SGK3: variants seen among roughly 807,000 people sequenced by gnomAD.
The protein encoded by SGK3 is serine/threonine-protein kinase Sgk3.
SGK3 carries 47 observed loss-of-function variants against 68.5 expected under a neutral mutation model. The ratio of observed to expected loss-of-function variants is 0.69; its 90% confidence interval spans 0.54 to 0.87. The LOEUF (loss-of-function observed/expected upper bound fraction) is 0.87, where lower values mean the gene tolerates loss of function less well. SGK3 is among the 40% of genes least tolerant of loss of function. The pLI, the probability that SGK3 is intolerant of heterozygous loss-of-function variation, is 0.00. For synonymous variants in SGK3, 181 were observed against 189.1 expected (o/e 0.96, Z 0.35); for missense variants, 479 against 575.5 (o/e 0.83, Z 1.72).
At chr8:66,831,413 C>CAT in intron 8 of SGK3, 102 bp downstream of exon 8, 1 of 1,395,060 alleles carries the variant, frequency 7.2e-7, no homozygotes, top group Non-Finnish European at 1.0e-6. Flanking sequence ...GTGGTGCAGT[C>CAT]ATAGCACACT....
intron 16 of SGK3, among the ~76,000 whole-genome samples, chr8:66,855,296 G>A (rs1320328760): frequency 1.3e-5 from 2 of 152,116 alleles, no homozygotes; most frequent in Non-Finnish European, 1.5e-5. Context: ...TCCGCCTCCC[G>A]GGTTCAAGCT....
At chr8:66,808,409 C>T (rs986310648) in intron 4 of SGK3, among the ~76,000 whole-genome samples, 4 of 151,778 alleles carry the variant, frequency 2.6e-5, no homozygotes, top group African/African-American at 9.7e-5. Flanking sequence ...TGTTATATGG[C>T]GTTGTTATTC....
Position 66,822,426 on chromosome 8 carries a change from A to G in SGK3, c.384A>G (p.Pro128=), listed in dbSNP as rs781646437. The change falls in exon 6 of 17, where the codon CCA becomes CCG. Residue 128 remains proline (P), a synonymous_variant. Transcript: ENST00000521198. Reference sequence around the variant, plus strand: ...ACAGTCCAAAACACCAGTCAGATCCATCTGAAGATGAGGATGAAAGAAGTT... The same window carrying G: ...ACAGTCCAAAACACCAGTCAGATCCGTCTGAAGATGAGGATGAAAGAAGTT... ...QMDSPKHQSD[P]SEDEDERSSQ... 8.1e-6 allele frequency: 13 copies of G among 1,611,310 alleles called. No homozygotes were observed. The highest frequency in any genetic ancestry group is 9.3e-6 in the Non-Finnish European group (11 of 1,178,690).
intron 3 of SGK3, among the ~76,000 whole-genome samples, chr8:66,800,929 G>A (rs760179747): frequency 5.3e-5 from 8 of 152,144 alleles, no homozygotes; most frequent in Non-Finnish European, 1.0e-4. Flanking sequence ...AGGCTGCAAT[G>A]AGCCATGACC....
chr8:66,822,447 A>T lies in SGK3; in HGVS notation c.405A>T (p.Arg135Ser). ...QSDPSEDEDE[R>S]SSQKLHSTSQ... is the part of the protein sequence containing the mutation. ...ATCCATCTGAAGATGAGGATGAAAGAAGTTCTCAGAAGGTAGTAAGAGGAA... is the reference window on the plus strand; with the variant it reads ...ATCCATCTGAAGATGAGGATGAAAGTAGTTCTCAGAAGGTAGTAAGAGGAA... The change falls in exon 6 of 17, where the codon AGA becomes AGT. Residue 135 changes from arginine (R) to serine (S), a missense_variant. Transcript: ENST00000521198. 6.2e-7 allele frequency: 1 copy of T among 1,611,336 alleles called. No individual in the cohort carries two copies. The highest frequency in any genetic ancestry group is 8.5e-7 in the Non-Finnish European group (1 of 1,178,750).
At chr8:66,855,156 A>C (rs929406455) in intron 16 of SGK3, among the ~76,000 whole-genome samples, 1 of 152,212 alleles carries the variant, frequency 6.6e-6, no homozygotes, top group Non-Finnish European at 1.5e-5. Context: ...AAGCCATAAG[A>C]GAAAAAAGTT....
intron 4 of SGK3, among the ~76,000 whole-genome samples, chr8:66,807,725 G>A (rs1363507872): frequency 6.6e-6 from 1 of 152,154 alleles, no homozygotes; most frequent in Non-Finnish European, 1.5e-5. Context: ...GAGTTTGGTA[G>A]TGTTTAGAAA....
chr8:66,740,847 C>T (rs181514746), intron 1 of SGK3, among the ~76,000 whole-genome samples: 120 of 134,210 alleles, frequency 8.9e-4, no homozygotes, highest in Middle Eastern at 4.5e-3. Context: ...ATGGAGGATG[C>T]GGTGAGCCGA....
At chr8:66,759,689 G>A (rs1463938909) in intron 1 of SGK3, among the ~76,000 whole-genome samples, 1 of 151,862 alleles carries the variant, frequency 6.6e-6, no homozygotes, top group Non-Finnish European at 1.5e-5. Flanking sequence ...TTGAGATGGA[G>A]TCTCGCTGTG....
chr8:66,725,096 G>A (rs1804942543), intron 1 of SGK3, among the ~76,000 whole-genome samples: 1 of 152,078 alleles, frequency 6.6e-6, no homozygotes, highest in African/African-American at 2.4e-5. Context: ...GTGGTGGCGG[G>A]CATCTGTATG....
intron 1 of SGK3, among the ~76,000 whole-genome samples, chr8:66,744,176 AG>A (rs1198844361): frequency 6.6e-6 from 1 of 152,002 alleles, no homozygotes; most frequent in East Asian, 1.9e-4. Context: ...ATTGACCGAT[AG>A]TTTGGCTGGT....
chr8:66,747,358 A>G (rs920054942), intron 1 of SGK3, among the ~76,000 whole-genome samples: 1 of 152,164 alleles, frequency 6.6e-6, no homozygotes, highest in Non-Finnish European at 1.5e-5. Flanking sequence ...ATTTCTTACC[A>G]AGTAATTACT....
At chr8:66,714,016 T>C (rs1218222000) in intron 1 of SGK3, among the ~76,000 whole-genome samples, 1 of 152,196 alleles carries the variant, frequency 6.6e-6, no homozygotes, top group Non-Finnish European at 1.5e-5. Flanking sequence ...CATGGTCTCT[T>C]TCAACTGCCG....
chr8:66,839,006 T>C (rs1246928986), intron 10 of SGK3, among the ~76,000 whole-genome samples: 1 of 152,182 alleles, frequency 6.6e-6, no homozygotes, highest in Non-Finnish European at 1.5e-5. Flanking sequence ...TGTTGGCTAA[T>C]GTCCACATAG....
chr8:66,822,960 C>G (rs1320357297), intron 6 of SGK3, among the ~76,000 whole-genome samples: 7 of 152,008 alleles, frequency 4.6e-5, no homozygotes, highest in Non-Finnish European at 4.4e-5. Context: ...AGAATGAGTA[C>G]TTTTTTACTA....
At chr8:66,779,601 TAA>T (rs747085904) in intron 1 of SGK3, among the ~76,000 whole-genome samples, 20 of 104,114 alleles carry the variant, frequency 1.9e-4, no homozygotes, top group East Asian at 7.7e-4. Context: ...TATATATATA[TAA>T]AACACATTTT....
intron 2 of SGK3, among the ~76,000 whole-genome samples, chr8:66,795,120 A>G (rs1310041070): frequency 6.6e-6 from 1 of 152,176 alleles, no homozygotes; most frequent in Non-Finnish European, 1.5e-5. Context: ...GGTGACTTTC[A>G]ATTCAGAATC....
At chr8:66,760,577 G>A (rs1330831621) in intron 1 of SGK3, among the ~76,000 whole-genome samples, 9 of 151,582 alleles carry the variant, frequency 5.9e-5, no homozygotes, top group Non-Finnish European at 8.8e-5. Context: ...CTCATGATCC[G>A]TCCGCCTCGG....
At chr8:66,821,517 ATT>A (rs773961768) in intron 5 of SGK3, among the ~76,000 whole-genome samples, 2 of 143,994 alleles carry the variant, frequency 1.4e-5, no homozygotes, top group Admixed American at 7.0e-5. Flanking sequence ...CCTGCACATA[ATT>A]TTTTTTTTTT....
Sources: gnomAD v4.1 joint callset for allele counts (sites outside exome capture counted in the v4.1 genomes callset) on GRCh38, gnomAD v4.1.1 for gene constraint, MANE v1.5 for transcripts, NCBI Gene and HGNC (gene_info 2026-07-23, HGNC 2026-07-21) for gene names.